COL19A1: variants seen among roughly 807,000 people sequenced by gnomAD.
COL19A1 encodes the protein collagen type XIX alpha 1 chain, also known as collagen alpha-1(XIX) chain.
A neutral mutation model predicts 190.2 loss-of-function variants in COL19A1; 159 were observed. That is an observed-to-expected ratio of 0.84 (90% CI 0.73 to 0.95). The LOEUF (loss-of-function observed/expected upper bound fraction) is 0.95. COL19A1 is among the 40% of genes least tolerant of loss of function. The pLI is 0.00. For synonymous variants in COL19A1, 509 were observed against 458.9 expected (o/e 1.11, Z -1.39); for missense variants, 1,418 against 1,431.9 (o/e 0.99, Z 0.16).
At chr6:70,143,753 T>G (rs553889651) in intron 23 of COL19A1, among the ~76,000 whole-genome samples, 2 of 152,090 alleles carry the variant, frequency 1.3e-5, no homozygotes, top group South Asian at 2.1e-4. Context: ...AAAAGAGAGA[T>G]AATCCTGGTG....
chr6:69,978,023 A>G (rs1775821934), intron 11 of COL19A1, among the ~76,000 whole-genome samples: 1 of 152,144 alleles, frequency 6.6e-6, no homozygotes, highest in Non-Finnish European at 1.5e-5. Flanking sequence ...TGCTCCTCAA[A>G]TTGTCACAAG....
chr6:69,969,117 G>A (rs993984678), intron 11 of COL19A1, among the ~76,000 whole-genome samples: 35 of 152,084 alleles, frequency 2.3e-4, no homozygotes, highest in African/African-American at 5.8e-4. Context: ...AATGAGTGCC[G>A]GTGAATAAAA....
At chr6:70,108,484 A>G (rs914523507) in intron 16 of COL19A1, among the ~76,000 whole-genome samples, 2 of 152,126 alleles carry the variant, frequency 1.3e-5, no homozygotes, top group Non-Finnish European at 2.9e-5. Context: ...AAAGAATGAC[A>G]ATAGCTCTTT....
rs142293999 is a variant in COL19A1, at chr6:70,193,984, C to G, written c.3094+3603C>G. Among the ~76,000 whole-genome samples the G allele has an allele frequency of 2.4e-3, 363 of 152,342 alleles. 2 individuals carry two copies. Among genetic ancestry groups the G allele is most frequent in the African/African-American group, 8.4e-3 (350 of 41,574 alleles). ...AAAGATTAATTTTCACATGTTAAAA[C>G]AGTTACAGTTAAGTAGTACAGACAG... On this transcript the variant is annotated intron_variant, in intron 48 of 50. Coordinates refer to ENST00000620364, the MANE Select transcript of COL19A1 (RefSeq NM_001858.6).
Position 70,190,324 on chromosome 6 carries a change from G to A in COL19A1, c.3037G>A (p.Val1013Ile). 6.2e-7 allele frequency: 1 copy of A among 1,602,636 alleles called. No individual in the cohort carries two copies. The highest frequency in any genetic ancestry group is 8.5e-7 in the Non-Finnish European group (1 of 1,171,354). Residue 1013 changes from valine to isoleucine, a missense_variant, in exon 48 of 51, where the codon GTT (valine) becomes ATT (isoleucine). By Grantham distance (29) the Val-to-Ile change is conservative (BLOSUM62 3). Transcript: ENST00000620364. ...PGIPGIPADAVSFEEIKKYIN... is the reference protein window; with the variant it reads ...PGIPGIPADAISFEEIKKYIN... ...TTTTTTCCTTCTTCAGGCTGATGCA[G>A]TTTCATTTGAAGAAATAAAGAAGTA...
intron 16 of COL19A1, among the ~76,000 whole-genome samples, chr6:70,116,853 CAAAGAT>C (rs978976730): frequency 4.9e-4 from 74 of 152,188 alleles, no homozygotes; most frequent in African/African-American, 1.7e-3. Flanking sequence ...TTTGGTATTT[CAAAGAT>C]TGTTCTTGAA....
At chr6:70,160,819 A>G (rs935738800) in intron 34 of COL19A1, among the ~76,000 whole-genome samples, 5 of 152,282 alleles carry the variant, frequency 3.3e-5, no homozygotes, top group African/African-American at 9.6e-5. Flanking sequence ...TCTTTTAGGA[A>G]GTACATTTAA....
intron 15 of COL19A1, among the ~76,000 whole-genome samples, chr6:70,097,354 G>A (rs947303505): frequency 2.6e-5 from 4 of 152,014 alleles, no homozygotes; most frequent in African/African-American, 7.3e-5. Context: ...GTTCATCCAT[G>A]CTGTTGCATG....
intron 17 of COL19A1, 70 bp downstream of exon 17, chr6:70,122,012 CTT>C (rs1784913477): frequency 2.0e-6 from 2 of 978,952 alleles, no homozygotes; most frequent in Non-Finnish European, 3.0e-6. Flanking sequence ...TGAAAAAAAA[CTT>C]ATTAATTCCT....
chr6:70,195,323 C>T (rs551089577), intron 48 of COL19A1, among the ~76,000 whole-genome samples: 181 of 151,890 alleles, frequency 1.2e-3, no homozygotes, highest in Non-Finnish European at 2.1e-3. Context: ...TTTTAAAAAC[C>T]GATTGAAAGT....
chr6:69,950,925 AT>A, intron 9 of COL19A1, among the ~76,000 whole-genome samples: 1 of 151,880 alleles, frequency 6.6e-6, no homozygotes, highest in Middle Eastern at 3.4e-3. Flanking sequence ...AGAAGTGGGG[AT>A]TTTTTTCTAA....
chr6:70,132,819 T>C (rs1163549774), intron 18 of COL19A1, among the ~76,000 whole-genome samples: 1 of 152,226 alleles, frequency 6.6e-6, no homozygotes, highest in Non-Finnish European at 1.5e-5. Context: ...AAGTTGATTG[T>C]GGCATTAACA....
chr6:69,891,014 AG>A, intron 2 of COL19A1: 1 of 350,632 alleles, frequency 2.9e-6, no homozygotes, highest in South Asian at 2.5e-5. Flanking sequence ...TCCTAGCAGA[AG>A]GGGCCATTGT....
intron 14 of COL19A1, among the ~76,000 whole-genome samples, chr6:70,062,944 A>G (rs1415250906): frequency 6.6e-6 from 1 of 152,118 alleles, no homozygotes; most frequent in South Asian, 2.1e-4. Flanking sequence ...TCCTAAATAT[A>G]TATGCACCCA....
chr6:70,031,245 T>A (rs1293777704), intron 12 of COL19A1, among the ~76,000 whole-genome samples: 3 of 152,014 alleles, frequency 2.0e-5, no homozygotes, highest in African/African-American at 7.3e-5. Context: ...CCTTTTTTTT[T>A]TAATTTGAGC....
chr6:70,171,931 T>A (rs775698054), intron 40 of COL19A1, 33 bp from the exon 41 acceptor site: 1 of 1,606,524 alleles, frequency 6.2e-7, no homozygotes, highest in East Asian at 2.2e-5. Flanking sequence ...TTTTGATTAT[T>A]GCTCCTGCAT....
chr6:69,943,021 G>A (rs1353050200), intron 9 of COL19A1, among the ~76,000 whole-genome samples: 1 of 151,808 alleles, frequency 6.6e-6, no homozygotes, highest in African/African-American at 2.4e-5. Context: ...CCACTAAAAG[G>A]GTGCAAAAGT....
intron 30 of COL19A1, 82 bp from the exon 31 acceptor site, chr6:70,151,315 A>G: frequency 7.3e-7 from 1 of 1,372,128 alleles, no homozygotes; most frequent in East Asian, 2.3e-5. Context: ...TTGAGGAAAA[A>G]TGTCTACATT....
intron 4 of COL19A1, among the ~76,000 whole-genome samples, chr6:69,903,152 C>T (rs1385097355): frequency 6.6e-6 from 1 of 152,230 alleles, no homozygotes; most frequent in African/African-American, 2.4e-5. Flanking sequence ...ACTATCTACA[C>T]TGCCTTGAGT....
Sources: allele counts gnomAD v4.1 joint callset (sites outside exome capture counted in the v4.1 genomes callset), GRCh38; gene constraint gnomAD v4.1.1; transcripts MANE v1.5; gene names NCBI Gene and HGNC (gene_info 2026-07-23, HGNC 2026-07-21).